The following LRGUK variants were observed in gnomAD, a reference collection of about 807,000 sequenced individuals.
The protein encoded by LRGUK is leucine rich repeats and guanylate kinase domain containing, also known as leucine-rich repeat and guanylate kinase domain-containing protein.
In LRGUK, 65 loss-of-function variants were observed where a neutral mutation model predicts 76.0. The ratio of observed to expected loss-of-function variants is 0.85; its 90% CI spans 0.70 to 1.05. LRGUK has a LOEUF of 1.05. LRGUK is among the 50% of genes least tolerant of loss of function. LRGUK has a pLI of 0.00. For synonymous variants in LRGUK, 268 were observed against 265.6 expected (o/e 1.01, Z -0.09); for missense variants, 758 against 732.8 (o/e 1.03, Z -0.40).
chr7:134,160,420 G>A (rs902230952), intron 6 of LRGUK, among the ~76,000 whole-genome samples: 1 of 152,046 alleles, frequency 6.6e-6, no homozygotes, highest in East Asian at 1.9e-4. Flanking sequence ...TTAATTTTTT[G>A]ATAATAGAAA....
chr7:134,167,789 C>G (rs1585479165), intron 7 of LRGUK, among the ~76,000 whole-genome samples: 2 of 152,196 alleles, frequency 1.3e-5, no homozygotes, highest in African/African-American at 4.8e-5. Flanking sequence ...AAATTCACTT[C>G]ATTTCATTTA....
At position 134,127,513 on chromosome 7, in the gene LRGUK, A is replaced by G. The variant is rs768330874; in HGVS notation, c.146A>G (p.Lys49Arg). The G allele has an allele frequency of 6.2e-6, 10 of 1,614,188 alleles. No individual in the cohort carries two copies. The highest frequency in any genetic ancestry group is 8.5e-6 in the Non-Finnish European group (10 of 1,180,020). The change falls in exon 1 of 16, where the codon AAG (lysine) becomes AGG (arginine). Residue 49 changes from lysine (K) to arginine (R), a missense_variant. Physicochemically the swap from Lys to Arg is conservative, Grantham distance 26. Transcript: ENST00000645682. ...TGCTGGTCTTTTCCCATGGGGCAGA[A>G]GACGAAAGGCAGCTCTAACATAGCC...
Position 134,170,123 on chromosome 7 carries a change from C to A in LRGUK, c.940-4433C>A, listed in dbSNP as rs755234431. On this transcript the variant is annotated intron_variant, in intron 7 of 15. Coordinates refer to ENST00000645682, the Ensembl canonical transcript of LRGUK. ...CCCATGAGGTTAAACATTTTTTTGACCTGTTTGTTAGACACTTAGTTTTCT... is the reference window on the plus strand; with the variant it reads ...CCCATGAGGTTAAACATTTTTTTGAACTGTTTGTTAGACACTTAGTTTTCT... Among the ~76,000 whole-genome samples, 19 of 151,952 alleles carry A rather than the reference C, an allele frequency of 1.3e-4. No homozygotes were observed. The East Asian group carries it at 3.7e-3, about 29-fold the overall frequency.
chr7:134,226,425 A>G (rs1801766935), intron 16 of LRGUK, among the ~76,000 whole-genome samples: 1 of 152,178 alleles, frequency 6.6e-6, no homozygotes. Context: ...ATCGCATGCA[A>G]TGACATGTGT....
chr7:134,155,629 G>A (rs190233418), intron 5 of LRGUK, among the ~76,000 whole-genome samples: 40 of 152,298 alleles, frequency 2.6e-4, no homozygotes, highest in Admixed American at 2.3e-3. Flanking sequence ...GGTAGAGGAC[G>A]TGCTTCCTTG....
At chr7:134,189,962 G>A (rs1399905907) in intron 11 of LRGUK, among the ~76,000 whole-genome samples, 1 of 152,132 alleles carries the variant, frequency 6.6e-6, no homozygotes, top group African/African-American at 2.4e-5. Context: ...ACATTTATTT[G>A]TCTTTGACTT....
rs138999702 is a variant in LRGUK, at chr7:134,162,229, A to G, written c.796-1168A>G. On this transcript the variant is annotated intron_variant, in intron 6 of 15. Coordinates refer to ENST00000645682, the Ensembl canonical transcript of LRGUK. The stretch of plus-strand genomic sequence containing the variant: ...CCAGGCTCAGCTGGGAGGTTCTTCC[A>G]CTGGGCTTGCTGCATTTAGCCGGCA... Among the ~76,000 whole-genome samples the G allele has an allele frequency of 6.6e-3, 1,001 of 152,258 alleles. 4 individuals are homozygous for G. Among genetic ancestry groups the G allele is most frequent in the Non-Finnish European group, 0.011 (770 of 68,012 alleles).
At chr7:134,142,803 G>A (rs2859809) in intron 3 of LRGUK, among the ~76,000 whole-genome samples, 19,646 of 152,154 alleles carry the variant, frequency 0.13, 1,591 homozygotes, top group East Asian at 0.32. Flanking sequence ...TGGTTACTTG[G>A]CTGCCCCCAA....
chr7:134,242,291 T>C (rs1034332593), intron 16 of LRGUK, among the ~76,000 whole-genome samples: 6 of 151,888 alleles, frequency 4.0e-5, no homozygotes, highest in African/African-American at 1.2e-4. Flanking sequence ...ATCAACAAAA[T>C]TGATAGACCG....
At chr7:134,188,511 G>A (rs865879065) in intron 11 of LRGUK, among the ~76,000 whole-genome samples, 13 of 152,118 alleles carry the variant, frequency 8.5e-5, no homozygotes, top group Admixed American at 3.9e-4. Context: ...ATGTAGTGAC[G>A]GGTGATGATA....
chr7:134,187,462 C>A (rs1761904284), intron 11 of LRGUK, among the ~76,000 whole-genome samples: 2 of 152,116 alleles, frequency 1.3e-5, no homozygotes, highest in South Asian at 4.1e-4. Flanking sequence ...AAGATCAAGA[C>A]ATTCAATGAA....
At chr7:134,153,803 C>T (rs1222410) in intron 5 of LRGUK, among the ~76,000 whole-genome samples, 151,214 of 152,324 alleles carry the variant, frequency 0.99, 75,071 homozygotes, top group East Asian at 1. Context: ...TAAGGTGATA[C>T]AGATCTTTCA....
chr7:134,262,768 C>A (rs185784517), intron 19 of LRGUK, among the ~76,000 whole-genome samples: 9 of 152,140 alleles, frequency 5.9e-5, no homozygotes, highest in African/African-American at 1.9e-4. Context: ...AGGAATTCAA[C>A]GTTAGCCTGG....
chr7:134,258,550 T>C (rs1355760923), intron 19 of LRGUK, 145 bp downstream of exon 19: 4 of 707,600 alleles, frequency 5.7e-6, no homozygotes, highest in Non-Finnish European at 8.8e-6. Context: ...ATACAAAAAA[T>C]TGGCCAGGTG....
At chr7:134,216,897 C>G (rs909250130) in intron 15 of LRGUK, among the ~76,000 whole-genome samples, 1 of 152,082 alleles carries the variant, frequency 6.6e-6, no homozygotes, top group Non-Finnish European at 1.5e-5. Context: ...CCTTAGCAAG[C>G]AAAGATCATG....
At chr7:134,200,678 AT>A (rs1800732895) in intron 14 of LRGUK, among the ~76,000 whole-genome samples, 1 of 152,226 alleles carries the variant, frequency 6.6e-6, no homozygotes, top group Admixed American at 6.5e-5. Context: ...GCAATGTCAT[AT>A]GGTTCAAATT....
At chr7:134,255,723 T>A (rs1802561881) in intron 18 of LRGUK, among the ~76,000 whole-genome samples, 1 of 152,152 alleles carries the variant, frequency 6.6e-6, no homozygotes, top group Non-Finnish European at 1.5e-5. Context: ...ATATTTGCAT[T>A]TCAACTCTAT....
intron 14 of LRGUK, 114 bp downstream of exon 14, chr7:134,199,535 C>T: frequency 1.2e-6 from 1 of 869,278 alleles, no homozygotes; most frequent in South Asian, 1.7e-5. Context: ...AACGGTGAAT[C>T]ACAAAGAGCT....
chr7:134,217,590 A>G (rs1175889126), intron 15 of LRGUK, among the ~76,000 whole-genome samples: 5 of 152,060 alleles, frequency 3.3e-5, no homozygotes, highest in Non-Finnish European at 7.4e-5. Context: ...TTTCTAGTTG[A>G]TATTATTCTT....
Sources: gnomAD v4.1 joint callset for allele counts (sites outside exome capture counted in the v4.1 genomes callset) on GRCh38, gnomAD v4.1.1 for gene constraint, MANE v1.5 for transcripts, NCBI Gene and HGNC (gene_info 2026-07-23, HGNC 2026-07-21) for gene names.